The following CORO7 variants were observed in gnomAD, a reference collection of about 807,000 sequenced individuals.
CORO7 encodes the protein coronin 7.
Under a neutral mutation model 126.6 loss-of-function variants are expected in CORO7, and 107 were observed. The observed-to-expected ratio is 0.85, with a 90% CI of 0.72 to 0.99. The LOEUF (loss-of-function observed/expected upper bound fraction) is 0.99, where lower values mean the gene tolerates loss of function less well. Ranked by LOEUF, CORO7 falls within the 50% of genes least tolerant of loss-of-function variation. The pLI is 0.00. For missense variants in CORO7, 1,314 were observed against 1,255.8 expected (o/e 1.05, Z -0.70); for synonymous variants, 603 against 536.8 (o/e 1.12, Z -1.70).
intron 9 of CORO7, chr16:4,381,088 A>G (rs2054939789): frequency 6.2e-7 from 1 of 1,609,426 alleles, no homozygotes; most frequent in Non-Finnish European, 8.5e-7. Context: ...CGACGCAGGC[A>G]GCTTTGCCGG....
rs1450234099 is a variant in CORO7, at chr16:4,388,000, C to T, written c.771G>A (p.Leu257=). Residue 257 remains leucine (L), a synonymous_variant, in exon 9 of 28, where the codon TTG becomes TTA. Coordinates refer to ENST00000251166, the MANE Select transcript of CORO7 (RefSeq NM_024535.5). ...GCAGCTCCTACCCAAGCGAGGTGTCCAAGGTGAGGGAGGCCAGGGCGCTGG... is the reference window on the plus strand; with the variant it reads ...GCAGCTCCTACCCAAGCGAGGTGTCTAAGGTGAGGGAGGCCAGGGCGCTGG... ...FFSSALASLT[L]DTSLGCLVPL... The T allele has an allele frequency of 1.2e-6, 2 of 1,613,114 alleles. No homozygotes were observed. Among genetic ancestry groups the T allele is most frequent in the Non-Finnish European group, 1.7e-6 (2 of 1,179,896 alleles).
At chr16:4,387,097 A>G (rs904964423) in intron 9 of CORO7, among the ~76,000 whole-genome samples, 1 of 152,156 alleles carries the variant, frequency 6.6e-6, no homozygotes, top group African/African-American at 2.4e-5. Flanking sequence ...CAAGGCCCTT[A>G]TAAGTCACGG....
rs142194602 is a variant in CORO7 at position 4,361,388 on chromosome 16, G to C, written c.1660C>G (p.Pro554Ala). ...ACAGCGAGGCGATGGGGGTCAAAGG[G>C]GTCCCAGGCCAGATCAGTCACAGCT... ...GAAVTDLAWD[P>A]FDPHRLAVAG... is the part of the protein sequence containing the mutation. Residue 554 changes from proline (P) to alanine (A), a missense_variant, in exon 17 of 28, where the codon CCC becomes GCC. By Grantham distance (27) the Pro-to-Ala change is conservative. Transcript: ENST00000251166. 32 of 1,611,976 alleles carry C rather than the reference G, an allele frequency of 2.0e-5. No individual in the cohort carries two copies. Among genetic ancestry groups the C allele is most frequent in the Non-Finnish European group, 2.6e-5 (31 of 1,179,718 alleles).
chr16:4,394,446 C>T (rs1343060509), intron 7 of CORO7, among the ~76,000 whole-genome samples: 1 of 141,198 alleles, frequency 7.1e-6, no homozygotes, highest in Non-Finnish European at 1.5e-5. Flanking sequence ...GAGACTCCGT[C>T]TCAAAAAAAA....
chr16:4,359,679 G>C (rs943243564), intron 21 of CORO7, 58 bp from the exon 22 acceptor site: 15 of 1,534,288 alleles, frequency 9.8e-6, no homozygotes, highest in African/African-American at 1.4e-5. Context: ...GCCTGGGGCA[G>C]GGAGAAGGCG....
intron 9 of CORO7, among the ~76,000 whole-genome samples, chr16:4,373,741 C>CAA (rs2054616077): frequency 6.6e-6 from 1 of 152,104 alleles, no homozygotes; most frequent in Non-Finnish European, 1.5e-5. Context: ...TGGGTCCCAA[C>CAA]ACAACACTGG....
chr16:4,381,179 A>G (rs1433333228), intron 9 of CORO7: 4 of 1,611,980 alleles, frequency 2.5e-6, no homozygotes, highest in Admixed American at 1.7e-5. Context: ...CCACTCGCCA[A>G]CCTCAGCAAC....
At chr16:4,380,422 G>T (rs571638479) in intron 9 of CORO7, among the ~76,000 whole-genome samples, 1 of 152,356 alleles carries the variant, frequency 6.6e-6, no homozygotes, top group African/African-American at 2.4e-5. Context: ...AGCAGGAGCC[G>T]GCGGCCAAGG....
Position 4,359,722 on chromosome 16 carries a change from G to A in CORO7, c.2109-101C>T, listed in dbSNP as rs1408158029. ...AGCCCCTGCTCTGTTCTGGGTTGTA[G>A]GCGAGGCCTAGTGTGGCCCGGCACC... On this transcript the variant is annotated intron_variant, in intron 21 of 27. Coordinates refer to ENST00000251166, the MANE Select transcript of CORO7 (RefSeq NM_024535.5). The A allele has an allele frequency of 1.1e-5, 16 of 1,441,772 alleles. No individual in the cohort carries two copies. The Admixed American group carries it at 4.2e-4, about 37-fold the overall frequency. 89.3% of individuals were successfully genotyped at this position (1,441,772 alleles called of 1,614,324 possible).
rs149987748 is a variant in CORO7, at chr16:4,361,064, G to C, written c.1796C>G (p.Ser599Cys). The C allele has an allele frequency of 1.9e-6, 3 of 1,613,356 alleles. No homozygotes were observed. Among genetic ancestry groups the C allele is most frequent in the Non-Finnish European group, 2.5e-6 (3 of 1,180,006 alleles). Residue 599 changes from serine (S) to cysteine (C), a missense_variant, in exon 19 of 28, where the codon TCC becomes TGC. Physicochemically the swap from Ser to Cys is moderately radical, Grantham distance 112. Transcript: ENST00000251166. ...VLTGHTEKIC[S>C]LRFHPLAANV... ...GGCTGCCAGTGGGTGGAAGCGCAGG[G>C]AGCAGATCTTCTCCGTGTGGCCTGG...
At chr16:4,415,623 C>T in intron 1 of CORO7, 1 of 775,334 alleles carries the variant, frequency 1.3e-6, no homozygotes, top group Non-Finnish European at 1.6e-6. Context: ...GGAACCTCTA[C>T]CCAGACTGCC....
In CORO7 at chr16:4,388,644, A is replaced by G; in HGVS notation, c.616-13T>C. The G allele has an allele frequency of 1.2e-6, 2 of 1,607,790 alleles. No individual in the cohort carries two copies. The highest frequency in any genetic ancestry group is 2.2e-5 in the South Asian group (2 of 89,892). On this transcript the variant is annotated splice_polypyrimidine_tract_variant and intron_variant, in intron 7 of 27. Coordinates refer to ENST00000251166, the MANE Select transcript of CORO7 (RefSeq NM_024535.5). ...GGGCCTGCGTGCTCTGCAGGAGGCA[A>G]GAGGTGGACCTGAGCCCCCAGGGCC...
In CORO7 at chr16:4,355,199, G is replaced by A. The variant is rs758210026; in HGVS notation, c.2773-36C>T. 1.1e-5 allele frequency: 17 copies of A among 1,574,274 alleles called. No individual in the cohort carries two copies. In the African/African-American group the frequency reaches 1.6e-4, roughly 15 times the overall value. ...ACACCAAGAGGTGGGAGGGAGTCAG[G>A]AGGGCCTGGGAAGGGAGGAGGCATG... On this transcript the variant is annotated intron_variant, in intron 27 of 27. Coordinates refer to ENST00000251166, the MANE Select transcript of CORO7 (RefSeq NM_024535.5).
chr16:4,361,059 G>A lies in CORO7; in HGVS notation c.1801C>T (p.Arg601Cys), dbSNP rs533667039. Residue 601 changes from arginine to cysteine, a missense_variant, in exon 19 of 28, where the codon CGC becomes TGC. Physicochemically the swap from Arg to Cys is radical, Grantham distance 180. Transcript: ENST00000251166. ...ACATTGGCTGCCAGTGGGTGGAAGC[G>A]CAGGGAGCAGATCTTCTCCGTGTGG... is the stretch of plus-strand genomic sequence containing the variant. ...TGHTEKICSLRFHPLAANVLA... is the reference protein window; with the variant it reads ...TGHTEKICSLCFHPLAANVLA... 1.2e-5 allele frequency: 19 copies of A among 1,613,350 alleles called. No individual in the cohort carries two copies. The highest frequency in any genetic ancestry group is 1.0e-4 in the Admixed American group (6 of 60,030).
At chr16:4,358,876 T>C (rs2141177325) in intron 23 of CORO7, 1 of 271,720 alleles carries the variant, frequency 3.7e-6, no homozygotes, top group South Asian at 9.0e-5. Flanking sequence ...TGTTTATTAC[T>C]TTGGTTTTTA....
chr16:4,381,258 G>A (rs1438905762), intron 9 of CORO7: 4 of 1,611,782 alleles, frequency 2.5e-6, no homozygotes, highest in Non-Finnish European at 3.4e-6. Context: ...GGCGCCTCGA[G>A]CGCCTCTACC....
chr16:4,409,156 C>G (rs1037975789), intron 3 of CORO7, among the ~76,000 whole-genome samples: 2 of 152,264 alleles, frequency 1.3e-5, no homozygotes, highest in Non-Finnish European at 2.9e-5. Flanking sequence ...AGCACAGCGA[C>G]CACCTGCTGC....
rs1162546813 is a variant in CORO7, at chr16:4,408,246, C to G, written c.238G>C (p.Val80Leu). Residue 80 changes from valine (V) to leucine (L), a missense_variant, in exon 4 of 28, where the codon GTC (valine) becomes CTC (leucine). Physicochemically the swap from Val to Leu is conservative, Grantham distance 32. Transcript: ENST00000251166. ...VAHLGCHSDL[V>L]TDLDFSPFDD... ...AAGGGCGAGAAGTCCAAGTCGGTGA[C>G]TAGGTCTGTGGGAGAGGAATGGCTG... 6.2e-7 allele frequency: 1 copy of G among 1,614,102 alleles called. No homozygotes were observed. The highest frequency in any genetic ancestry group is 8.5e-7 in the Non-Finnish European group (1 of 1,180,050).
At chr16:4,365,387 G>A in intron 10 of CORO7, 104 bp downstream of exon 10, 1 of 1,490,488 alleles carries the variant, frequency 6.7e-7, no homozygotes, top group Non-Finnish European at 9.1e-7. Flanking sequence ...GCTGCACAGG[G>A]GAAGACACAG....
Sources: gnomAD v4.1 joint callset for allele counts (sites outside exome capture counted in the v4.1 genomes callset) on GRCh38, gnomAD v4.1.1 for gene constraint, MANE v1.5 for transcripts, NCBI Gene and HGNC (gene_info 2026-07-23, HGNC 2026-07-21) for gene names.